Variants in NRF1 observed in about 807,000 individuals in gnomAD.
NRF1 encodes the protein nuclear respiratory factor 1, also known as alpha palindromic-binding protein.
Under a neutral mutation model 58.5 loss-of-function variants are expected in NRF1, and 5 were observed. The observed-to-expected ratio is 0.09, with a 90% CI of 0.04 to 0.18. NRF1 has a LOEUF of 0.18. Among genes scored for constraint, NRF1 ranks in the 10% least tolerant of loss-of-function variants. NRF1 has a pLI of 1.00. For missense variants in NRF1, 288 were observed against 657.7 expected (o/e 0.44, Z 6.15); for synonymous variants, 224 against 246.7 (o/e 0.91, Z 0.86).
At position 129,711,526 on chromosome 7, in the gene NRF1, A is replaced by G. The variant is rs1803073266; in HGVS notation, c.1015A>G (p.Thr339Ala). The change falls in exon 8 of 11, where the codon ACC becomes GCC. Residue 339 changes from threonine (T) to alanine (A), a missense_variant. By Grantham distance (58) the Thr-to-Ala change is moderately conservative. Coordinates refer to ENST00000393232, the MANE Select transcript of NRF1 (RefSeq NM_005011.5). ...ATLADASELP[T>A]TVTVAQVNYS... ...ATTGGCTGATGCTTCAGAATTGCCA[A>G]CCACGGTCACCGTTGCCCAAGTGAA... is the stretch of plus-strand genomic sequence containing the variant. The G allele has an allele frequency of 1.2e-6, 2 of 1,612,678 alleles. No homozygotes were observed. The highest frequency in any genetic ancestry group is 1.3e-5 in the African/African-American group (1 of 74,896).
intron 5 of NRF1, among the ~76,000 whole-genome samples, chr7:129,693,043 C>T (rs192437856): frequency 1.2e-3 from 183 of 152,254 alleles, no homozygotes; most frequent in African/African-American, 4.1e-3. Flanking sequence ...TTGTGGTCTC[C>T]CCAGCTAGAA....
chr7:129,645,973 C>A (rs1801396061), intron 1 of NRF1, among the ~76,000 whole-genome samples: 1 of 152,154 alleles, frequency 6.6e-6, no homozygotes. Context: ...CCTCAGCCTC[C>A]CGAGCAGCTG....
At chr7:129,709,313 T>C (rs1584661453) in intron 6 of NRF1, 80 bp downstream of exon 6, 1 of 1,247,130 alleles carries the variant, frequency 8.0e-7, no homozygotes, top group East Asian at 2.7e-5. Flanking sequence ...TTTCTACATC[T>C]TGTGCTAGAA....
chr7:129,687,865 G>C (rs79987037), intron 4 of NRF1, among the ~76,000 whole-genome samples: 1 of 152,178 alleles, frequency 6.6e-6, no homozygotes, highest in African/African-American at 2.4e-5. Context: ...TTCTGAGAAG[G>C]TTACTTAACT....
intron 10 of NRF1, among the ~76,000 whole-genome samples, chr7:129,752,439 G>C (rs1009497174): frequency 6.6e-6 from 1 of 152,184 alleles, no homozygotes; most frequent in Non-Finnish European, 1.5e-5. Flanking sequence ...AGATGGACCA[G>C]GGCAAACCAC....
rs1331679111 is a variant in NRF1, at chr7:129,741,390, G to GT, written c.1349-13627dup. 6.6e-6 allele frequency among the ~76,000 whole-genome samples: 1 copy of GT among 152,186 alleles called. No individual in the cohort carries two copies. The highest frequency in any genetic ancestry group is 2.4e-5 in the African/African-American group (1 of 41,442). On this transcript the variant is annotated intron_variant, in intron 10 of 10. Coordinates refer to ENST00000393232, the MANE Select transcript of NRF1 (RefSeq NM_005011.5). This position sits in a 1 kb window ranked among gnomAD's most constrained non-coding sequence, Gnocchi z 4.0. Reference sequence around the variant, plus strand: ...CGCAGATCTTTCGGAGTCTTTGTATGTAAAGGCAGATTTTGGTCTTAGATT... The same window carrying GT: ...CGCAGATCTTTCGGAGTCTTTGTATGTTAAAGGCAGATTTTGGTCTTAGATT...
intron 5 of NRF1, among the ~76,000 whole-genome samples, chr7:129,691,591 G>A (rs1419843877): frequency 2.0e-5 from 3 of 151,900 alleles, no homozygotes; most frequent in African/African-American, 7.3e-5. Flanking sequence ...CTGACCTCAT[G>A]TGATCCGCCT....
intron 10 of NRF1, among the ~76,000 whole-genome samples, chr7:129,737,887 C>T (rs76284883): frequency 6.6e-6 from 1 of 152,314 alleles, no homozygotes; most frequent in East Asian, 1.9e-4. Flanking sequence ...ATGGTAAGCT[C>T]AGTGCCTCAG....
chr7:129,691,779 T>C (rs1669962695), intron 5 of NRF1, among the ~76,000 whole-genome samples: 2 of 152,202 alleles, frequency 1.3e-5, no homozygotes, highest in East Asian at 1.9e-4. Flanking sequence ...ATCTTCTCTC[T>C]GTCTCTTGAC....
chr7:129,623,405 A>G (rs1263458558), intron 1 of NRF1, among the ~76,000 whole-genome samples: 2 of 151,306 alleles, frequency 1.3e-5, no homozygotes, highest in Non-Finnish European at 2.9e-5. Context: ...CATTATCTCT[A>G]GGGAATTCAA....
At chr7:129,622,898 G>GATA (rs1379718061) in intron 1 of NRF1, among the ~76,000 whole-genome samples, 1 of 152,066 alleles carries the variant, frequency 6.6e-6, no homozygotes, top group Non-Finnish European at 1.5e-5. Context: ...AGCACACATG[G>GATA]ATATACACAA....
At chr7:129,673,713 T>C (rs1311391487) in intron 3 of NRF1, among the ~76,000 whole-genome samples, 2 of 50,592 alleles carry the variant, frequency 4.0e-5, no homozygotes, top group African/African-American at 1.6e-4. Flanking sequence ...CGAGACTCCG[T>C]CTCAAAAAAA....
intron 4 of NRF1, among the ~76,000 whole-genome samples, chr7:129,687,705 A>G (rs1408805349): frequency 6.6e-6 from 1 of 152,234 alleles, no homozygotes; most frequent in Non-Finnish European, 1.5e-5. Context: ...ACATGTTCAC[A>G]TGGCTGCAGG....
At chr7:129,636,385 C>A (rs1041963791) in intron 1 of NRF1, among the ~76,000 whole-genome samples, 1 of 152,064 alleles carries the variant, frequency 6.6e-6, no homozygotes, top group African/African-American at 2.4e-5. Context: ...CAGGTGTGTG[C>A]CCCACACCCG....
intron 4 of NRF1, among the ~76,000 whole-genome samples, chr7:129,687,249 C>T (rs572166394): frequency 6.6e-6 from 1 of 150,762 alleles, no homozygotes; most frequent in South Asian, 2.1e-4. Context: ...TTTTTGCCCC[C>T]AAGCAGCAAC....
chr7:129,744,323 G>GACTGCACAGTAGAGGA, intron 10 of NRF1: 1 of 1,101,408 alleles, frequency 9.1e-7, no homozygotes, highest in Non-Finnish European at 1.3e-6. Flanking sequence ...TGGATGGTGG[G>GACTGCACAGTAGAGGA]ATTCCTCTAC....
chr7:129,677,700 C>T lies in NRF1; in HGVS notation c.407C>T (p.Ser136Leu). The T allele has an allele frequency of 6.2e-7, 1 of 1,614,122 alleles. No individual in the cohort carries two copies. The highest frequency in any genetic ancestry group is 8.5e-7 in the Non-Finnish European group (1 of 1,179,988). Residue 136 changes from serine to leucine, a missense_variant, in exon 4 of 11, where the codon TCA becomes TTA. This residue lies in a region of NRF1 where 212 missense variants were observed against 559.7 expected (regional missense o/e 0.38). Transcript: ENST00000393232. ...VGQQAIVLCI[S>L]PSKPNPVFKV... ...CAGCAAGCTATTGTCCTCTGTATCT[C>T]ACCCTCCAAACCTAACCCTGTCTTT...
chr7:129,691,361 A>ATTTTTTTTTT (rs752895743), intron 5 of NRF1, among the ~76,000 whole-genome samples: 1 of 90,884 alleles, frequency 1.1e-5, no homozygotes, highest in Non-Finnish European at 2.2e-5. Context: ...TATTATTATT[A>ATTTTTTTTTT]TTATTTTTTT....
At chr7:129,629,402 T>C (rs1584587712) in intron 1 of NRF1, among the ~76,000 whole-genome samples, 1 of 151,934 alleles carries the variant, frequency 6.6e-6, no homozygotes. Context: ...CTCAGCCTCC[T>C]GAGTAGCTGG....
Sources: gnomAD v4.1 joint callset for allele counts (sites outside exome capture counted in the v4.1 genomes callset) on GRCh38, gnomAD v4.1.1 for gene constraint, gnomAD v4.1.1 regional missense constraint, Gnocchi (gnomAD v3.1) non-coding constraint, MANE v1.5 for transcripts, NCBI Gene and HGNC (gene_info 2026-07-23, HGNC 2026-07-21) for gene names.